The following PARPBP variants were observed in gnomAD, a reference collection of about 807,000 sequenced individuals.
PARPBP encodes the protein PARP1 binding protein.
A neutral mutation model predicts 50.0 loss-of-function variants in PARPBP; 52 were observed. The observed-to-expected ratio is 1.04, with a 90% CI of 0.83 to 1.31. The LOEUF (loss-of-function observed/expected upper bound fraction) is 1.31. Ranked by LOEUF, PARPBP falls within the 50% of genes most tolerant of loss-of-function variation. The pLI, the probability that PARPBP is intolerant of heterozygous loss-of-function variation, is 0.00. For synonymous variants in PARPBP, 244 were observed against 232.1 expected (o/e 1.05, Z -0.47); for missense variants, 697 against 672.0 (o/e 1.04, Z -0.41).
At chr12:102,148,024 A>G (rs988546864) in intron 2 of PARPBP, among the ~76,000 whole-genome samples, 2 of 152,126 alleles carry the variant, frequency 1.3e-5, no homozygotes, top group African/African-American at 2.4e-5. Flanking sequence ...AGTTGTTCAT[A>G]TTTTATAAAA....
At chr12:102,120,746 T>C (rs1880908581) in intron 1 of PARPBP, among the ~76,000 whole-genome samples, 1 of 152,232 alleles carries the variant, frequency 6.6e-6, no homozygotes, top group African/African-American at 2.4e-5. Context: ...GTGGGTTATG[T>C]ACTTGTTTCA....
rs111297354 is a variant in PARPBP, at chr12:102,154,802, A to G, written c.495+826A>G. ...AAATTTGCGTTTGTAAAGGATATCA[A>G]TTAACTAAATCTTTCCCCTTCCAGG... On this transcript the variant is annotated intron_variant, in intron 4 of 10. Coordinates refer to ENST00000327680, the MANE Select transcript of PARPBP (RefSeq NM_017915.5). 10 of 453,060 alleles carry G rather than the reference A, an allele frequency of 2.2e-5. No individual in the cohort carries two copies. The East Asian group carries it at 4.9e-4, about 22-fold the overall frequency. 28.1% of individuals were successfully genotyped at this position (453,060 alleles called of 1,614,324 possible).
intron 8 of PARPBP, among the ~76,000 whole-genome samples, chr12:102,181,868 T>G (rs1196249713): frequency 6.6e-6 from 1 of 152,140 alleles, no homozygotes; most frequent in Non-Finnish European, 1.5e-5. Flanking sequence ...TGAGGGCCTC[T>G]TCCCCATAGA....
intron 4 of PARPBP, among the ~76,000 whole-genome samples, chr12:102,163,621 TTTG>T (rs907583951): frequency 2.5e-4 from 38 of 152,162 alleles, no homozygotes; most frequent in East Asian, 1.2e-3. Context: ...TTTCATCTTT[TTTG>T]TTGTTGTTGT....
At chr12:102,154,567 A>T (rs1027699210) in intron 4 of PARPBP, among the ~76,000 whole-genome samples, 3 of 152,180 alleles carry the variant, frequency 2.0e-5, no homozygotes, top group African/African-American at 7.2e-5. Context: ...CCAAATTCCT[A>T]TTTAAGGGGC....
chr12:102,126,048 A>G (rs181923170), intron 2 of PARPBP, among the ~76,000 whole-genome samples: 2 of 152,340 alleles, frequency 1.3e-5, no homozygotes, highest in East Asian at 3.9e-4. Context: ...TTCTAGAATC[A>G]CTTCATTGGC....
intron 2 of PARPBP, among the ~76,000 whole-genome samples, chr12:102,143,252 G>A (rs777187297): frequency 3.3e-5 from 5 of 152,226 alleles, no homozygotes; most frequent in African/African-American, 4.8e-5. Flanking sequence ...CTAGCAGTGA[G>A]TGAGGCTCTT....
At chr12:102,187,480 G>C (rs1890399287) in intron 9 of PARPBP, among the ~76,000 whole-genome samples, 1 of 152,122 alleles carries the variant, frequency 6.6e-6, no homozygotes, top group South Asian at 2.1e-4. Flanking sequence ...TCTATCTACT[G>C]AATTGGGGAA....
intron 2 of PARPBP, among the ~76,000 whole-genome samples, chr12:102,130,092 A>G (rs529440067): frequency 5.3e-5 from 8 of 152,292 alleles, no homozygotes; most frequent in South Asian, 2.1e-4. Context: ...AAGACCACAC[A>G]CCAACAACCA....
At position 102,197,357 on chromosome 12, in the gene PARPBP, G is replaced by T; in HGVS notation, c.*1066G>T. On this transcript the variant is annotated 3_prime_UTR_variant, in exon 11 of 11. Transcript: ENST00000327680. Reference sequence around the variant, plus strand: ...CAGATAAGAGGTGTTTGCTGGGATGGAAGAACTACCTGGCATGTAAGAAAT... The same window carrying T: ...CAGATAAGAGGTGTTTGCTGGGATGTAAGAACTACCTGGCATGTAAGAAAT... 2.5e-6 allele frequency: 2 copies of T among 802,534 alleles called. No homozygotes were observed. Among genetic ancestry groups the T allele is most frequent in the Non-Finnish European group, 3.9e-6 (2 of 515,154 alleles). The allele number at this position is 802,534 out of a possible 1,614,324, so 49.7% of individuals were successfully genotyped here.
Position 102,190,710 on chromosome 12 carries a change from G to A in PARPBP, c.1264-4602G>A, listed in dbSNP as rs372443229. Among the ~76,000 whole-genome samples, 17 of 152,294 alleles carry A rather than the reference G, an allele frequency of 1.1e-4. 1 individual carries two copies. Among genetic ancestry groups the A allele is most frequent in the Admixed American group, 2.0e-4 (3 of 15,280 alleles). Reference sequence around the variant, plus strand: ...TGTAAGGAGGGGATGGCAACAGGAGGACCACAGCTGGCCATCAGTTGTCAA... The same window carrying A: ...TGTAAGGAGGGGATGGCAACAGGAGAACCACAGCTGGCCATCAGTTGTCAA... On this transcript the variant is annotated intron_variant, in intron 9 of 10. Coordinates refer to ENST00000327680, the MANE Select transcript of PARPBP (RefSeq NM_017915.5).
intron 9 of PARPBP, among the ~76,000 whole-genome samples, chr12:102,193,370 A>G (rs981936520): frequency 5.9e-5 from 9 of 151,934 alleles, no homozygotes; most frequent in African/African-American, 1.7e-4. Flanking sequence ...AGAATATTTT[A>G]TGGGTGGTGC....
intron 6 of PARPBP, among the ~76,000 whole-genome samples, chr12:102,171,868 CAAA>C (rs754077504): frequency 9.9e-6 from 1 of 100,898 alleles, no homozygotes. Context: ...GACTCCGCCT[CAAA>C]AAAAAAAAAA....
At chr12:102,150,623 A>G (rs993291537) in intron 3 of PARPBP, among the ~76,000 whole-genome samples, 4 of 152,176 alleles carry the variant, frequency 2.6e-5, no homozygotes, top group Non-Finnish European at 4.4e-5. Context: ...CTCGGAGCAT[A>G]CAAGGCCTTA....
intron 2 of PARPBP, among the ~76,000 whole-genome samples, chr12:102,144,664 C>T (rs1885120052): frequency 6.6e-6 from 1 of 152,122 alleles, no homozygotes; most frequent in Non-Finnish European, 1.5e-5. Context: ...TGTGCATTTA[C>T]ATTACACAAA....
intron 6 of PARPBP, among the ~76,000 whole-genome samples, chr12:102,172,786 G>C (rs914284048): frequency 6.6e-6 from 1 of 152,136 alleles, no homozygotes; most frequent in African/African-American, 2.4e-5. Context: ...TTGGCACTAA[G>C]ACAGTCCCAG....
chr12:102,124,664 G>A (rs548830933), intron 2 of PARPBP, among the ~76,000 whole-genome samples: 1 of 152,192 alleles, frequency 6.6e-6, no homozygotes, highest in East Asian at 1.9e-4. Context: ...TCAGAAGAAG[G>A]GTTCAGGGGA....
At chr12:102,150,919 C>T (rs1429111106) in intron 3 of PARPBP, among the ~76,000 whole-genome samples, 2 of 152,176 alleles carry the variant, frequency 1.3e-5, no homozygotes, top group African/African-American at 4.8e-5. Flanking sequence ...CTTCCTTAGC[C>T]TCAGCAGATG....
intron 2 of PARPBP, among the ~76,000 whole-genome samples, chr12:102,126,836 T>C (rs1882073949): frequency 6.6e-6 from 1 of 152,146 alleles, no homozygotes; most frequent in Non-Finnish European, 1.5e-5. Flanking sequence ...CTTGTTTTTT[T>C]CCATCCAACA....
Sources: allele counts gnomAD v4.1 joint callset (sites outside exome capture counted in the v4.1 genomes callset), GRCh38; gene constraint gnomAD v4.1.1; transcripts MANE v1.5; gene names NCBI Gene and HGNC (gene_info 2026-07-23, HGNC 2026-07-21).